ZC2HC1B: variants seen among roughly 807,000 people sequenced by gnomAD.
The protein encoded by ZC2HC1B is zinc finger C2HC domain-containing protein 1B.
A neutral mutation model predicts 31.0 loss-of-function variants in ZC2HC1B; 36 were observed. The ratio of observed to expected loss-of-function variants is 1.16; its 90% CI spans 0.89 to 1.54. ZC2HC1B has a LOEUF of 1.54. Among genes scored for constraint, ZC2HC1B ranks in the 40% most tolerant of loss-of-function variants. The probability of loss-of-function intolerance (pLI) is 0.00; values close to 1 mark genes in which losing one functional copy is unlikely to be tolerated. For missense variants in ZC2HC1B, 260 were observed against 268.6 expected, an observed-to-expected ratio of 0.97 and a Z score of 0.22; for synonymous variants, 73 against 88.0, an observed-to-expected ratio of 0.83 and a Z score of 0.95.
Position 143,870,681 on chromosome 6 carries a change from G to A in ZC2HC1B, c.28+6114G>A, listed in dbSNP as rs894685495. 2.8e-4 allele frequency among the ~76,000 whole-genome samples: 43 copies of A among 152,292 alleles called. No homozygotes were observed. The highest frequency in any genetic ancestry group is 1.0e-3 in the African/African-American group (42 of 41,550). On this transcript the variant is annotated intron_variant, in intron 1 of 7. Transcript: ENST00000237275. The surrounding 1 kb of genome is among the most constrained non-coding windows in gnomAD (Gnocchi z 4.7). ...CAGTTTCCACCAAAGCCCAGTAACA[G>A]GCCAAGAGCTGTCTCTCAAAAGAAG... is the stretch of plus-strand genomic sequence containing the variant.
At chr6:143,916,631 C>T (rs1374594185) in intron 6 of ZC2HC1B, among the ~76,000 whole-genome samples, 3 of 152,248 alleles carry the variant, frequency 2.0e-5, no homozygotes, top group Admixed American at 6.5e-5. Flanking sequence ...TGTGGGAGTA[C>T]ACCTCTTGCA....
intron 6 of ZC2HC1B, among the ~76,000 whole-genome samples, chr6:143,925,078 C>T (rs967274267): frequency 6.7e-5 from 10 of 149,768 alleles, no homozygotes; most frequent in Non-Finnish European, 4.4e-5. Flanking sequence ...TTTTTCTTTA[C>T]AAGTTTGATA....
chr6:143,897,475 T>C (rs561939880), intron 4 of ZC2HC1B, among the ~76,000 whole-genome samples: 1 of 151,528 alleles, frequency 6.6e-6, no homozygotes, highest in Non-Finnish European at 1.5e-5. Flanking sequence ...ATTATGTCTG[T>C]TAATTGCAAA....
chr6:143,884,512 C>A lies in ZC2HC1B; in HGVS notation c.90+147C>A. Reference sequence around the variant, plus strand: ...AGTACATAACCTATGGCTGGTGGGCCCAGAGAACACTGAGGCAGATTGATG... The same window carrying A: ...AGTACATAACCTATGGCTGGTGGGCACAGAGAACACTGAGGCAGATTGATG... On this transcript the variant is annotated intron_variant, in intron 2 of 7. Coordinates refer to ENST00000237275, the MANE Select transcript of ZC2HC1B (RefSeq NM_001013623.3). This position sits in a 1 kb window ranked among gnomAD's most constrained non-coding sequence, Gnocchi z 5.1. 1.6e-6 allele frequency: 1 copy of A among 626,752 alleles called. No homozygotes were observed. Among genetic ancestry groups the A allele is most frequent in the Non-Finnish European group, 2.5e-6 (1 of 396,668 alleles). The allele number at this position is 626,752 out of a possible 1,614,324, so 38.8% of individuals were successfully genotyped here.
At chr6:143,880,429 G>A (rs567658940) in intron 1 of ZC2HC1B, among the ~76,000 whole-genome samples, 12 of 152,268 alleles carry the variant, frequency 7.9e-5, no homozygotes, top group Admixed American at 7.8e-4. Flanking sequence ...AAAACTAAAA[G>A]TAATATTCAT....
chr6:143,895,457 C>G lies in ZC2HC1B; in HGVS notation c.350-3095C>G, dbSNP rs1315669537. 1.3e-5 allele frequency among the ~76,000 whole-genome samples: 2 copies of G among 152,302 alleles called. No homozygotes were observed. Among genetic ancestry groups the G allele is most frequent in the East Asian group, 1.9e-4 (1 of 5,192 alleles). On this transcript the variant is annotated intron_variant, in intron 4 of 7. Coordinates refer to ENST00000237275, the MANE Select transcript of ZC2HC1B (RefSeq NM_001013623.3). This position sits in a 1 kb window ranked among gnomAD's most constrained non-coding sequence, Gnocchi z 4.8. ...GGATTACAGGCATGAGCCACTGCAC[C>G]CGGCCAGTACTAAAGAATTTATATA...
chr6:143,893,440 C>T (rs1020513957), intron 4 of ZC2HC1B, among the ~76,000 whole-genome samples: 2 of 152,020 alleles, frequency 1.3e-5, no homozygotes, highest in African/African-American at 2.4e-5. Flanking sequence ...TGGTGGCTCA[C>T]TCCTGTAATC....
At chr6:143,912,660 G>A (rs1333716583) in intron 6 of ZC2HC1B, among the ~76,000 whole-genome samples, 2 of 152,190 alleles carry the variant, frequency 1.3e-5, no homozygotes, top group Non-Finnish European at 2.9e-5. Context: ...ACCTATTGCT[G>A]GCCCAAATTT....
intron 1 of ZC2HC1B, among the ~76,000 whole-genome samples, chr6:143,877,517 G>A (rs1231182969): frequency 1.0e-4 from 15 of 149,544 alleles, no homozygotes; most frequent in Admixed American, 7.9e-4. Flanking sequence ...TACCAACCTC[G>A]GGTGATCCGC....
rs532145431 is a variant in ZC2HC1B, at chr6:143,900,246, G to A, written c.489+1555G>A. 2.2e-4 allele frequency among the ~76,000 whole-genome samples: 33 copies of A among 151,956 alleles called. No individual in the cohort carries two copies. The South Asian group carries it at 4.6e-3, about 21-fold the overall frequency. On this transcript the variant is annotated intron_variant, in intron 5 of 7. Coordinates refer to ENST00000237275, the MANE Select transcript of ZC2HC1B (RefSeq NM_001013623.3). ...CTCTACTAAAAATACAAAATCAGCC[G>A]TGTGTGGTGTCACATGCCTGTAATC...
chr6:143,884,610 C>G lies in ZC2HC1B; in HGVS notation c.90+245C>G, dbSNP rs1023230206. 1.3e-5 allele frequency among the ~76,000 whole-genome samples: 2 copies of G among 152,146 alleles called. No homozygotes were observed. The highest frequency in any genetic ancestry group is 4.8e-5 in the African/African-American group (2 of 41,436). Reference sequence around the variant, plus strand: ...ATGCCAGATGGAAGTCTCTTGGCATCGTCAATGATCCCTCAAGAGGTTTTG... The same window carrying G: ...ATGCCAGATGGAAGTCTCTTGGCATGGTCAATGATCCCTCAAGAGGTTTTG... On this transcript the variant is annotated intron_variant, in intron 2 of 7. Coordinates refer to ENST00000237275, the MANE Select transcript of ZC2HC1B (RefSeq NM_001013623.3). The surrounding 1 kb of genome is among the most constrained non-coding windows in gnomAD (Gnocchi z 5.1).
chr6:143,904,570 A>G (rs937894034), intron 6 of ZC2HC1B, among the ~76,000 whole-genome samples: 1 of 152,166 alleles, frequency 6.6e-6, no homozygotes, highest in Non-Finnish European at 1.5e-5. Flanking sequence ...CTATGCTGAT[A>G]TTCTCTTGAT....
chr6:143,886,654 G>C lies in ZC2HC1B; in HGVS notation c.211-29G>C, dbSNP rs1777532694. The C allele has an allele frequency of 1.3e-6, 2 of 1,509,744 alleles. No homozygotes were observed. The highest frequency in any genetic ancestry group is 1.3e-5 in the South Asian group (1 of 76,526). 93.5% of individuals were successfully genotyped at this position (1,509,744 alleles called of 1,614,324 possible). ...GTAATGGAGAGGTATATAGTCTAGG[G>C]TATTATTTGTTGGTTTTATTTTTTA... On this transcript the variant is annotated intron_variant, in intron 3 of 7. Coordinates refer to ENST00000237275, the MANE Select transcript of ZC2HC1B (RefSeq NM_001013623.3). This position sits in a 1 kb window ranked among gnomAD's most constrained non-coding sequence, Gnocchi z 4.2.
At chr6:143,874,101 C>T (rs1003179787) in intron 1 of ZC2HC1B, among the ~76,000 whole-genome samples, 3 of 152,302 alleles carry the variant, frequency 2.0e-5, no homozygotes, top group African/African-American at 7.2e-5. Context: ...ATTTCTTCCA[C>T]CAGGTACCCT....
rs1312578565 is a variant in ZC2HC1B at position 143,869,213 on chromosome 6, T to C, written c.28+4646T>C. ...CATTGACCTGAATCACAGGACATGG[T>C]AATACTAAGAGACACCCTAATAGAT... is the stretch of plus-strand genomic sequence containing the variant. On this transcript the variant is annotated intron_variant, in intron 1 of 7. Transcript: ENST00000237275. The surrounding 1 kb of genome is among the most constrained non-coding windows in gnomAD (Gnocchi z 5.2). 6.6e-6 allele frequency among the ~76,000 whole-genome samples: 1 copy of C among 152,194 alleles called. No individual in the cohort carries two copies. Among genetic ancestry groups the C allele is most frequent in the Non-Finnish European group, 1.5e-5 (1 of 68,036 alleles).
At chr6:143,931,618 T>A (rs760153501) in intron 6 of ZC2HC1B, among the ~76,000 whole-genome samples, 1 of 152,222 alleles carries the variant, frequency 6.6e-6, no homozygotes, top group Non-Finnish European at 1.5e-5. Flanking sequence ...AAGTCTTGGC[T>A]GGCAATTATT....
chr6:143,937,285 C>G (rs977075202), intron 6 of ZC2HC1B, among the ~76,000 whole-genome samples: 1 of 152,112 alleles, frequency 6.6e-6, no homozygotes, highest in Non-Finnish European at 1.5e-5. Flanking sequence ...TGAGAGCTAG[C>G]AAATAATTTG....
Position 143,903,283 on chromosome 6 carries a change from GGGTTAGA to G in ZC2HC1B, c.598+137_598+143del. 1.3e-6 allele frequency: 1 copy of G among 781,066 alleles called. No individual in the cohort carries two copies. Among genetic ancestry groups the G allele is most frequent in the South Asian group, 1.8e-5 (1 of 56,628 alleles). The allele number at this position is 781,066 out of a possible 1,614,324, so 48.4% of individuals were successfully genotyped here. On this transcript the variant is annotated intron_variant, in intron 6 of 7. Coordinates refer to ENST00000237275, the MANE Select transcript of ZC2HC1B (RefSeq NM_001013623.3). The surrounding 1 kb of genome is among the most constrained non-coding windows in gnomAD (Gnocchi z 4.3). The stretch of plus-strand genomic sequence containing the variant: ...GTTGCTTTTGGATGCAAAGATATTT[GGGTTAGA>G]GGTTAAAGCTTATTTGCCAAAAGGG...
rs183917667 is a variant in ZC2HC1B, at chr6:143,893,979, C to T, written c.350-4573C>T. On this transcript the variant is annotated intron_variant, in intron 4 of 7. Transcript: ENST00000237275. ...GGGATTACAGGTGTGAGCCACCGCGCCCGGCCTGCACTGGTATTTTCTTAA... is the reference window on the plus strand; with the variant it reads ...GGGATTACAGGTGTGAGCCACCGCGTCCGGCCTGCACTGGTATTTTCTTAA... 3.9e-5 allele frequency among the ~76,000 whole-genome samples: 6 copies of T among 152,258 alleles called. No individual in the cohort carries two copies. In the East Asian group the frequency reaches 1.2e-3, roughly 29 times the overall value.
Sources: gnomAD v4.1 joint callset for allele counts (sites outside exome capture counted in the v4.1 genomes callset) on GRCh38, gnomAD v4.1.1 for gene constraint, Gnocchi (gnomAD v3.1) non-coding constraint, MANE v1.5 for transcripts, NCBI Gene and HGNC (gene_info 2026-07-23, HGNC 2026-07-21) for gene names.